NSG2: variants seen among roughly 807,000 people sequenced by gnomAD.
NSG2 encodes neuronal vesicle trafficking-associated protein 2.
NSG2 carries 4 observed loss-of-function variants against 16.9 expected under a neutral mutation model. That is an observed-to-expected ratio of 0.24 (90% confidence interval 0.12 to 0.54). The LOEUF (loss-of-function observed/expected upper bound fraction) is 0.54, where lower values mean the gene tolerates loss of function less well. Among genes scored for constraint, NSG2 ranks in the 20% least tolerant of loss-of-function variants. The probability of loss-of-function intolerance (pLI) is 0.95; values close to 1 mark genes in which losing one functional copy is unlikely to be tolerated. For synonymous variants in NSG2, 98 were observed against 88.7 expected (o/e 1.11, Z -0.59); for missense variants, 179 against 221.1 (o/e 0.81, Z 1.21).
At chr5:174,104,869 C>A (rs1185869652) in intron 4 of NSG2, among the ~76,000 whole-genome samples, 1 of 152,134 alleles carries the variant, frequency 6.6e-6, no homozygotes, top group African/African-American at 2.4e-5. Flanking sequence ...TTCTTGCCTG[C>A]AAAATGGGGG....
chr5:174,049,085 A>C (rs1759846023), intron 2 of NSG2, among the ~76,000 whole-genome samples: 1 of 151,894 alleles, frequency 6.6e-6, no homozygotes, highest in African/African-American at 2.4e-5. Flanking sequence ...CATGCCTGTA[A>C]TCCCAGCACT....
intron 3 of NSG2, chr5:174,064,531 A>G (rs1760109283): frequency 2.6e-6 from 1 of 380,664 alleles, no homozygotes; most frequent in Non-Finnish European, 4.7e-6. Context: ...GTACTCTGGA[A>G]TGTTCTGATA....
At chr5:174,048,805 C>T (rs148593122) in intron 2 of NSG2, among the ~76,000 whole-genome samples, 28 of 152,258 alleles carry the variant, frequency 1.8e-4, no homozygotes, top group Admixed American at 9.2e-4. Context: ...GCACCAGAAG[C>T]TGTCCCAAAG....
intron 3 of NSG2, among the ~76,000 whole-genome samples, chr5:174,098,394 A>G (rs919853802): frequency 9.9e-5 from 15 of 152,002 alleles, no homozygotes; most frequent in African/African-American, 3.6e-4. Flanking sequence ...CCAAAGCCCT[A>G]GGGGGCTGGA....
At chr5:174,083,866 T>C (rs920957303) in intron 3 of NSG2, among the ~76,000 whole-genome samples, 1 of 152,222 alleles carries the variant, frequency 6.6e-6, no homozygotes, top group Non-Finnish European at 1.5e-5. Context: ...GGGACATTAT[T>C]GTAATCACTC....
intron 3 of NSG2, among the ~76,000 whole-genome samples, chr5:174,089,366 C>T (rs968548057): frequency 5.9e-5 from 9 of 152,094 alleles, no homozygotes; most frequent in Non-Finnish European, 1.0e-4. Flanking sequence ...CCAAAGTGTA[C>T]GCCGCCACCA....
Position 174,050,155 on chromosome 5 carries a change from T to C in NSG2, c.129+3271T>C, listed in dbSNP as rs111788749. On this transcript the variant is annotated intron_variant, in intron 2 of 4. Transcript: ENST00000303177. ...AGCTGTCAGCTGTCAGCCCTTTGGT[T>C]AGGCTCCAGTCAGATGGTGAGTACT... 8.1e-3 allele frequency among the ~76,000 whole-genome samples: 1,231 copies of C among 152,296 alleles called. 16 individuals carry two copies. Among genetic ancestry groups the C allele is most frequent in the African/African-American group, 0.028 (1,167 of 41,564 alleles).
chr5:174,095,484 C>T lies in NSG2; in HGVS notation c.214-8744C>T, dbSNP rs113656426. ...GATGCATCACTCAAATCCCGCCTCC[C>T]GTTTTCATGTGGCTTCTCTTCTTTC... On this transcript the variant is annotated intron_variant, in intron 3 of 4. Coordinates refer to ENST00000303177, the MANE Select transcript of NSG2 (RefSeq NM_015980.5). Among the ~76,000 whole-genome samples, 1,315 of 152,214 alleles carry T rather than the reference C, an allele frequency of 8.6e-3. 5 individuals carry two copies. Among genetic ancestry groups the T allele is most frequent in the Non-Finnish European group, 0.01 (702 of 68,018 alleles).
At position 174,107,964 on chromosome 5, in the gene NSG2, G is replaced by C. The variant is rs898492135; in HGVS notation, c.*459G>C. 1 of 363,530 alleles carries C rather than the reference G, an allele frequency of 2.8e-6. No individual in the cohort carries two copies. The highest frequency in any genetic ancestry group is 5.4e-6 in the Non-Finnish European group (1 of 186,786). The allele number at this position is 363,530 out of a possible 1,614,324, so 22.5% of individuals were successfully genotyped here. A position where few individuals can be genotyped will look rare whatever the true frequency, so the allele number is the denominator to read the frequency against. Reference sequence around the variant, plus strand: ...TCAGTGGGGGCTCCAGGGTTGCAGAGTATGAGTGACACAGACCGGGACTAT... The same window carrying C: ...TCAGTGGGGGCTCCAGGGTTGCAGACTATGAGTGACACAGACCGGGACTAT... On this transcript the variant is annotated 3_prime_UTR_variant, in exon 5 of 5. Coordinates refer to ENST00000303177, the MANE Select transcript of NSG2 (RefSeq NM_015980.5). This position sits in a 1 kb window ranked among gnomAD's most constrained non-coding sequence, Gnocchi z 4.5.
In NSG2 at chr5:174,097,643, TTCTC is replaced by T. The variant is rs376035919; in HGVS notation, c.214-6580_214-6577del. 3.0e-3 allele frequency among the ~76,000 whole-genome samples: 440 copies of T among 144,660 alleles called. 2 individuals carry two copies. In the South Asian group the frequency reaches 0.031, roughly 10 times the overall value. The allele number at this position is 144,660 out of a possible 152,430, so 94.9% of individuals were successfully genotyped here. On this transcript the variant is annotated intron_variant, in intron 3 of 4. Transcript: ENST00000303177. ...TCTGTGTGTGTCTCTGTGTGTGTGT[TTCTC>T]TCTCAGTGAGTGTGTGTGTGAATAT...
At chr5:174,066,070 T>A in intron 3 of NSG2, 1 of 369,034 alleles carries the variant, frequency 2.7e-6, no homozygotes, top group Non-Finnish European at 5.6e-6. Context: ...AAATCAATAC[T>A]GAAGCAGCTG....
At chr5:174,079,346 C>T (rs1241560521) in intron 3 of NSG2, among the ~76,000 whole-genome samples, 2 of 152,052 alleles carry the variant, frequency 1.3e-5, no homozygotes, top group Non-Finnish European at 2.9e-5. Flanking sequence ...CAACCTCTGC[C>T]TCCCGGGCTC....
At chr5:174,053,417 G>T (rs946130605) in intron 2 of NSG2, among the ~76,000 whole-genome samples, 3 of 152,192 alleles carry the variant, frequency 2.0e-5, no homozygotes, top group African/African-American at 7.2e-5. Flanking sequence ...GGTGGGGCCT[G>T]ATGATGCTCT....
At chr5:174,066,351 A>G (rs1760139620) in intron 3 of NSG2, 1 of 433,778 alleles carries the variant, frequency 2.3e-6, no homozygotes, top group Non-Finnish European at 4.7e-6. Flanking sequence ...CCACGGGGTC[A>G]AATTTACCTG....
At position 174,107,647 on chromosome 5, in the gene NSG2, C is replaced by T. The variant is rs1456397277; in HGVS notation, c.*142C>T. On this transcript the variant is annotated 3_prime_UTR_variant, in exon 5 of 5. Coordinates refer to ENST00000303177, the MANE Select transcript of NSG2 (RefSeq NM_015980.5). The surrounding 1 kb of genome is among the most constrained non-coding windows in gnomAD (Gnocchi z 4.5). ...AGGGCAGGGTGGGGGGAAGAACGCACCAAAAACGTGGTGTGTGCTGGAGTT... is the reference window on the plus strand; with the variant it reads ...AGGGCAGGGTGGGGGGAAGAACGCATCAAAAACGTGGTGTGTGCTGGAGTT... 27 of 815,836 alleles carry T rather than the reference C, an allele frequency of 3.3e-5. No homozygotes were observed. Among genetic ancestry groups the T allele is most frequent in the Non-Finnish European group, 8.2e-6 (4 of 489,010 alleles). The allele number at this position is 815,836 out of a possible 1,614,324, so 50.5% of individuals were successfully genotyped here.
At chr5:174,052,058 G>T (rs1307175393) in intron 2 of NSG2, among the ~76,000 whole-genome samples, 1 of 152,146 alleles carries the variant, frequency 6.6e-6, no homozygotes, top group Non-Finnish European at 1.5e-5. Flanking sequence ...TGCCCTCATT[G>T]CTGTGAGCCA....
At chr5:174,063,581 T>G (rs1172299251) in intron 2 of NSG2, among the ~76,000 whole-genome samples, 1 of 147,354 alleles carries the variant, frequency 6.8e-6, no homozygotes, top group Non-Finnish European at 1.5e-5. Context: ...TATTTACATA[T>G]TTATTTATTT....
intron 3 of NSG2, among the ~76,000 whole-genome samples, chr5:174,086,716 C>T (rs1262915468): frequency 6.6e-6 from 1 of 152,238 alleles, no homozygotes; most frequent in East Asian, 1.9e-4. Flanking sequence ...GCCTCAGCTT[C>T]TCCATCCTGT....
chr5:174,052,283 G>T (rs144047672), intron 2 of NSG2, among the ~76,000 whole-genome samples: 2 of 152,270 alleles, frequency 1.3e-5, no homozygotes, highest in Non-Finnish European at 2.9e-5. Flanking sequence ...GGAGGAGAGG[G>T]TAGTGGGGCA....
Sources: gnomAD v4.1 joint callset for allele counts (sites outside exome capture counted in the v4.1 genomes callset) on GRCh38, gnomAD v4.1.1 for gene constraint, Gnocchi (gnomAD v3.1) non-coding constraint, MANE v1.5 for transcripts, NCBI Gene and HGNC (gene_info 2026-07-23, HGNC 2026-07-21) for gene names.